IMPG1: variants seen among roughly 807,000 people sequenced by gnomAD.
IMPG1 encodes the protein interphotoreceptor matrix proteoglycan of 150 kDa.
A neutral mutation model predicts 92.0 loss-of-function variants in IMPG1; 85 were observed. The ratio of observed to expected loss-of-function variants is 0.92; its 90% CI spans 0.78 to 1.11. The LOEUF (loss-of-function observed/expected upper bound fraction) is 1.11, where lower values mean the gene tolerates loss of function less well. IMPG1 is among the 50% of genes least tolerant of loss of function. The pLI is 0.00. For synonymous variants in IMPG1, 367 were observed against 334.1 expected (o/e 1.10, Z -1.08); for missense variants, 1,022 against 956.0 (o/e 1.07, Z -0.91).
chr6:76,063,911 G>A (rs574421410), intron 1 of IMPG1, among the ~76,000 whole-genome samples: 3 of 152,246 alleles, frequency 2.0e-5, no homozygotes, highest in African/African-American at 7.2e-5. Flanking sequence ...AGAGCTTCCC[G>A]CTTATGGACT....
chr6:75,960,248 A>G (rs556956662), intron 12 of IMPG1, among the ~76,000 whole-genome samples: 44 of 152,100 alleles, frequency 2.9e-4, no homozygotes, highest in Non-Finnish European at 5.7e-4. Flanking sequence ...CTCAGTTGGA[A>G]ATTCAGAAAT....
In IMPG1 at chr6:75,950,909, C is replaced by T; in HGVS notation, c.1477G>A (p.Ala493Thr). 1 of 1,613,958 alleles carries T rather than the reference C, an allele frequency of 6.2e-7. No individual in the cohort carries two copies. The highest frequency in any genetic ancestry group is 8.5e-7 in the Non-Finnish European group (1 of 1,179,940). ...TSDYSAISQL[A>T]LGISHPPASS... is the part of the protein sequence containing the mutation. ...GCAGGTGGATGTGAAATTCCCAGAG[C>T]CAGTTGGCTGATTGCAGAATAATCA... The change falls in exon 13 of 17, where the codon GCT becomes ACT. Residue 493 changes from alanine (A) to threonine (T), a missense_variant. Transcript: ENST00000369950.
At chr6:75,966,653 TTGAC>T (rs1043274706) in intron 12 of IMPG1, among the ~76,000 whole-genome samples, 1 of 152,140 alleles carries the variant, frequency 6.6e-6, no homozygotes, top group African/African-American at 2.4e-5. Flanking sequence ...ATAAAACAAT[TTGAC>T]TGAAGACAGC....
chr6:75,934,094 C>A (rs572695509), intron 14 of IMPG1, among the ~76,000 whole-genome samples: 1 of 152,158 alleles, frequency 6.6e-6, no homozygotes, highest in African/African-American at 2.4e-5. Context: ...AGAGCCCCCC[C>A]ACCCCACCAC....
chr6:76,051,051 C>T lies in IMPG1; in HGVS notation c.68-8925G>A, dbSNP rs544447729. Among the ~76,000 whole-genome samples the T allele has an allele frequency of 3.9e-5, 6 of 152,054 alleles. No individual in the cohort carries two copies. In the South Asian group the frequency reaches 1.2e-3, roughly 32 times the overall value. On this transcript the variant is annotated intron_variant, in intron 1 of 16. Transcript: ENST00000369950. Reference sequence around the variant, plus strand: ...AGAACAAAAATCATAATTTGAGGAACAGAACTCTATAGAGAGTAAGTAGGT... The same window carrying T: ...AGAACAAAAATCATAATTTGAGGAATAGAACTCTATAGAGAGTAAGTAGGT...
intron 1 of IMPG1, among the ~76,000 whole-genome samples, chr6:76,071,500 T>C (rs1246925244): frequency 6.6e-6 from 1 of 151,902 alleles, no homozygotes; most frequent in Non-Finnish European, 1.5e-5. Flanking sequence ...TCCAGAAATT[T>C]TTTTCTCCCT....
At chr6:75,993,261 A>G (rs1304506885) in intron 12 of IMPG1, among the ~76,000 whole-genome samples, 1 of 152,178 alleles carries the variant, frequency 6.6e-6, no homozygotes, top group Non-Finnish European at 1.5e-5. Flanking sequence ...GGGCATTGGT[A>G]TTTAAATTGG....
intron 15 of IMPG1, among the ~76,000 whole-genome samples, chr6:75,924,636 T>A (rs373862217): frequency 3.6e-4 from 7 of 19,368 alleles, no homozygotes; most frequent in African/African-American, 8.6e-4. Context: ...AATTATATAT[T>A]ATATATAATT....
At chr6:76,065,476 G>A (rs191019109) in intron 1 of IMPG1, among the ~76,000 whole-genome samples, 207 of 152,194 alleles carry the variant, frequency 1.4e-3, no homozygotes, top group African/African-American at 4.6e-3. Flanking sequence ...ACTAGACCAA[G>A]TGAAAGAAAG....
At chr6:75,944,273 C>A (rs1781885457) in intron 14 of IMPG1, among the ~76,000 whole-genome samples, 1 of 152,224 alleles carries the variant, frequency 6.6e-6, no homozygotes, top group South Asian at 2.1e-4. Flanking sequence ...CTTCCCCTCA[C>A]TGTTGACTGG....
At position 76,002,940 on chromosome 6, in the gene IMPG1, G is replaced by A. The variant is rs758038128; in HGVS notation, c.1269C>T (p.Asp423=). ...PPVEPQLETV[D]GAEHGLPDTS... ...TACCAGGTAGACCATGCTCTGCTCC[G>A]TCCACTGTCTCAAGCTGGGGTTCAA... is the stretch of plus-strand genomic sequence containing the variant. Residue 423 remains aspartate, a synonymous_variant, in exon 12 of 17, where the codon GAC becomes GAT. Coordinates refer to ENST00000369950, the MANE Select transcript of IMPG1 (RefSeq NM_001563.4). 52 of 1,613,266 alleles carry A rather than the reference G, an allele frequency of 3.2e-5. 1 individual carries two copies. Among genetic ancestry groups the A allele is most frequent in the East Asian group, 8.9e-5 (4 of 44,876 alleles).
At chr6:75,951,235 TTA>T in intron 12 of IMPG1, 141 bp from the exon 13 acceptor site, 3 of 664,438 alleles carry the variant, frequency 4.5e-6, no homozygotes, top group East Asian at 2.8e-5. Flanking sequence ...TTTTTTTTTT[TTA>T]AAGAAGAGAA....
chr6:75,990,579 C>A (rs10806053), intron 12 of IMPG1, among the ~76,000 whole-genome samples: 61,503 of 149,720 alleles, frequency 0.41, 12,953 homozygotes, highest in East Asian at 0.57. Flanking sequence ...CATTAGGAGA[C>A]CCCACCTCTA....
At position 75,922,135 on chromosome 6, in the gene IMPG1, G is replaced by T; in HGVS notation, c.2348C>A (p.Thr783Asn). 7.1e-7 allele frequency: 1 copy of T among 1,412,094 alleles called. No individual in the cohort carries two copies. The highest frequency in any genetic ancestry group is 9.9e-7 in the Non-Finnish European group (1 of 1,007,696). 87.5% of individuals were successfully genotyped at this position (1,412,094 alleles called of 1,614,324 possible). A position where few individuals can be genotyped will look rare whatever the true frequency, so the allele number is the denominator to read the frequency against. ...VISKRNSELL[T>N]VEYEEFNHQD... ...ATGGTTAAATTCTTCATATTCTACGGTCAGTAATTCAGAATTTCTTTTACT... is the reference window on the plus strand; with the variant it reads ...ATGGTTAAATTCTTCATATTCTACGTTCAGTAATTCAGAATTTCTTTTACT... The change falls in exon 17 of 17, where the codon ACC becomes AAC. Residue 783 changes from threonine (T) to asparagine (N), a missense_variant. Physicochemically the swap from Thr to Asn is moderately conservative, Grantham distance 65. This residue lies in a region of IMPG1 where 332 missense variants were observed against 346.2 expected (regional missense o/e 0.96). Coordinates refer to ENST00000369950, the MANE Select transcript of IMPG1 (RefSeq NM_001563.4).
chr6:75,981,351 A>G (rs184068509), intron 12 of IMPG1, among the ~76,000 whole-genome samples: 1 of 152,366 alleles, frequency 6.6e-6, no homozygotes, highest in East Asian at 1.9e-4. Flanking sequence ...TAAAAAATCC[A>G]TAATGTGATC....
rs150281441 is a variant in IMPG1 at position 76,016,808 on chromosome 6, C to T, written c.807+1910G>A. On this transcript the variant is annotated intron_variant, in intron 7 of 16. Coordinates refer to ENST00000369950, the MANE Select transcript of IMPG1 (RefSeq NM_001563.4). ...CAATTACTGAGTAGTTAACTGCATC[C>T]CAAACTCTGTATTAGAAGGTTAGGC... is the stretch of plus-strand genomic sequence containing the variant. Among the ~76,000 whole-genome samples, 37 of 152,186 alleles carry T rather than the reference C, an allele frequency of 2.4e-4. 1 individual carries two copies. In the East Asian group the frequency reaches 6.8e-3, roughly 28 times the overall value.
intron 1 of IMPG1, among the ~76,000 whole-genome samples, chr6:76,052,801 CTT>C (rs1391938366): frequency 2.0e-5 from 3 of 152,024 alleles, no homozygotes; most frequent in African/African-American, 7.3e-5. Flanking sequence ...TGCATTATCA[CTT>C]TGAAAAAAAT....
chr6:76,031,717 C>A (rs958895908), intron 4 of IMPG1, among the ~76,000 whole-genome samples: 4 of 152,128 alleles, frequency 2.6e-5, no homozygotes, highest in Admixed American at 1.3e-4. Flanking sequence ...ATAGTAAGAT[C>A]TCCTTCTTGT....
intron 6 of IMPG1, 49 bp from the exon 7 acceptor site, chr6:76,018,907 T>A: frequency 1.3e-6 from 2 of 1,496,922 alleles, no homozygotes; most frequent in South Asian, 1.3e-5. Context: ...AAACCACAAA[T>A]AAATGGTTAT....
Sources: gnomAD v4.1 joint callset for allele counts (sites outside exome capture counted in the v4.1 genomes callset) on GRCh38, gnomAD v4.1.1 for gene constraint, gnomAD v4.1.1 regional missense constraint, MANE v1.5 for transcripts, NCBI Gene and HGNC (gene_info 2026-07-23, HGNC 2026-07-21) for gene names.